INTS9: variants seen among roughly 807,000 people sequenced by gnomAD.
The protein encoded by INTS9 is integrator complex subunit 9.
Under a neutral mutation model 79.7 loss-of-function variants are expected in INTS9, and 55 were observed. The observed-to-expected ratio is 0.69, with a 90% CI of 0.56 to 0.86. The LOEUF (loss-of-function observed/expected upper bound fraction) is 0.86. Ranked by LOEUF, INTS9 falls within the 40% of genes least tolerant of loss-of-function variation. The pLI is 0.00. For missense variants in INTS9, 721 were observed against 831.5 expected (o/e 0.87, Z 1.64); for synonymous variants, 319 against 325.2 (o/e 0.98, Z 0.20).
At chr8:28,849,929 A>G (rs763196700) in intron 3 of INTS9, 7 of 293,912 alleles carry the variant, frequency 2.4e-5, no homozygotes, top group Non-Finnish European at 3.1e-5. Context: ...CAATTCTAGA[A>G]ATAATAGTTG....
intron 3 of INTS9, among the ~76,000 whole-genome samples, chr8:28,849,843 A>G (rs1207367151): frequency 6.6e-6 from 1 of 152,240 alleles, no homozygotes; most frequent in Non-Finnish European, 1.5e-5. Context: ...TATTCAAAAA[A>G]AGGTTTTACT....
At chr8:28,866,081 ACTATG>A in intron 1 of INTS9, among the ~76,000 whole-genome samples, 1 of 152,066 alleles carries the variant, frequency 6.6e-6, no homozygotes, top group African/African-American at 2.4e-5. Context: ...CTTCCTAGTG[ACTATG>A]TTTTTCAAAT....
At chr8:28,887,070 A>C (rs1810208467) in intron 1 of INTS9, among the ~76,000 whole-genome samples, 1 of 152,244 alleles carries the variant, frequency 6.6e-6, no homozygotes, top group African/African-American at 2.4e-5. Flanking sequence ...AATAATTACA[A>C]GTGCTACAAA....
At chr8:28,793,429 T>A (rs1304017056) in intron 10 of INTS9, among the ~76,000 whole-genome samples, 1 of 152,230 alleles carries the variant, frequency 6.6e-6, no homozygotes, top group Non-Finnish European at 1.5e-5. Context: ...TAGTTTTTCT[T>A]CTCAGATTTG....
chr8:28,839,237 C>T (rs960441552), intron 4 of INTS9, among the ~76,000 whole-genome samples: 6 of 152,072 alleles, frequency 3.9e-5, no homozygotes, highest in East Asian at 1.9e-4. Flanking sequence ...TTACAAGGGA[C>T]AGGAAGGACC....
intron 10 of INTS9, among the ~76,000 whole-genome samples, chr8:28,789,908 C>T (rs1172046409): frequency 6.7e-6 from 1 of 148,624 alleles, no homozygotes; most frequent in Non-Finnish European, 1.5e-5. Flanking sequence ...ACCAACACTC[C>T]AAACCCCAAC....
chr8:28,768,129 T>A lies in INTS9; in HGVS notation c.*17A>T. 6.2e-7 allele frequency: 1 copy of A among 1,613,582 alleles called. No individual in the cohort carries two copies. The highest frequency in any genetic ancestry group is 2.2e-5 in the East Asian group (1 of 44,886). On this transcript the variant is annotated 3_prime_UTR_variant, in exon 17 of 17. Transcript: ENST00000521022. ...GAGGGACTGCAGGATTTCAGGGAAGTAGCTCAGATGGCCCACTCAGAACTT... is the reference window on the plus strand; with the variant it reads ...GAGGGACTGCAGGATTTCAGGGAAGAAGCTCAGATGGCCCACTCAGAACTT...
chr8:28,830,771 C>T lies in INTS9; in HGVS notation c.488+4521G>A, dbSNP rs532088961. Among the ~76,000 whole-genome samples the T allele has an allele frequency of 2.4e-3, 358 of 152,242 alleles. 4 individuals carry two copies. The highest frequency in any genetic ancestry group is 8.1e-3 in the African/African-American group (336 of 41,532). On this transcript the variant is annotated intron_variant, in intron 6 of 16. Transcript: ENST00000521022. Reference sequence around the variant, plus strand: ...TATGTTTTCCAATAATTAGACTCTTCCCTTTCTCTACCAATAACTATGGCT... The same window carrying T: ...TATGTTTTCCAATAATTAGACTCTTTCCTTTCTCTACCAATAACTATGGCT...
chr8:28,846,308 CTA>C (rs1807510810), intron 4 of INTS9, among the ~76,000 whole-genome samples: 2 of 152,170 alleles, frequency 1.3e-5, no homozygotes, highest in South Asian at 4.1e-4. Context: ...AGTTCAGAAT[CTA>C]TGAATTTCAA....
intron 6 of INTS9, among the ~76,000 whole-genome samples, chr8:28,831,144 A>C (rs1480494222): frequency 6.6e-6 from 1 of 152,234 alleles, no homozygotes; most frequent in Non-Finnish European, 1.5e-5. Flanking sequence ...AAGGAATGAG[A>C]TCATGTCTGT....
At chr8:28,862,078 C>A (rs932249432) in intron 1 of INTS9, 2 of 985,320 alleles carry the variant, frequency 2.0e-6, no homozygotes, top group African/African-American at 3.5e-5. Context: ...AGAGTGGCTG[C>A]CTGAGGTTCA....
intron 6 of INTS9, among the ~76,000 whole-genome samples, chr8:28,824,174 C>T (rs1202624988): frequency 1.3e-5 from 2 of 152,204 alleles, no homozygotes; most frequent in African/African-American, 4.8e-5. Context: ...TAGTACAGGG[C>T]AACAGGATGC....
intron 1 of INTS9, among the ~76,000 whole-genome samples, chr8:28,866,898 C>T (rs1808781589): frequency 6.6e-6 from 1 of 151,806 alleles, no homozygotes; most frequent in East Asian, 1.9e-4. Context: ...TGGTGTGAAC[C>T]CGGGAGGCAG....
chr8:28,880,990 G>A (rs1463357389), intron 1 of INTS9, among the ~76,000 whole-genome samples: 9 of 149,508 alleles, frequency 6.0e-5, no homozygotes, highest in East Asian at 2.0e-4. Context: ...CGGCCGCTCC[G>A]TCTGAAAAGT....
At chr8:28,820,043 T>C (rs1805735777) in intron 6 of INTS9, among the ~76,000 whole-genome samples, 1 of 152,232 alleles carries the variant, frequency 6.6e-6, no homozygotes, top group Non-Finnish European at 1.5e-5. Context: ...AGCCTATGTG[T>C]GTCTCTGCAC....
intron 2 of INTS9, among the ~76,000 whole-genome samples, chr8:28,852,844 C>G (rs1469113371): frequency 6.6e-6 from 1 of 152,188 alleles, no homozygotes; most frequent in African/African-American, 2.4e-5. Flanking sequence ...AGAGCCACTG[C>G]TAGTAGATGA....
At chr8:28,771,367 A>G (rs1259832637) in intron 14 of INTS9, among the ~76,000 whole-genome samples, 1 of 152,034 alleles carries the variant, frequency 6.6e-6, no homozygotes, top group African/African-American at 2.4e-5. Context: ...TCTTCCTGAA[A>G]GTCTGACTTC....
At chr8:28,802,134 A>G (rs1205275959) in intron 8 of INTS9, among the ~76,000 whole-genome samples, 1 of 152,214 alleles carries the variant, frequency 6.6e-6, no homozygotes, top group African/African-American at 2.4e-5. Flanking sequence ...GGAAAATGCC[A>G]ATTCATTTTC....
At chr8:28,844,187 CTT>C (rs1807359895) in intron 4 of INTS9, among the ~76,000 whole-genome samples, 1 of 152,274 alleles carries the variant, frequency 6.6e-6, no homozygotes, top group African/African-American at 2.4e-5. Flanking sequence ...GTTTACGTTT[CTT>C]TTGAGTGCAA....
Sources: allele counts gnomAD v4.1 joint callset (sites outside exome capture counted in the v4.1 genomes callset), GRCh38; gene constraint gnomAD v4.1.1; transcripts MANE v1.5; gene names NCBI Gene and HGNC (gene_info 2026-07-23, HGNC 2026-07-21).